The following AGBL1 variants were observed in gnomAD, a reference collection of about 807,000 sequenced individuals.
AGBL1 encodes AGBL carboxypeptidase 1.
AGBL1 carries 130 observed loss-of-function variants against 118.9 expected under a neutral mutation model. The observed-to-expected ratio is 1.09, with a 90% CI of 0.95 to 1.26. The LOEUF is 1.26. Ranked by LOEUF, AGBL1 falls within the 50% of genes most tolerant of loss-of-function variation. The probability of loss-of-function intolerance (pLI) is 0.00; values close to 1 mark genes in which losing one functional copy is unlikely to be tolerated. For missense variants in AGBL1, 1,584 were observed against 1,298.1 expected (o/e 1.22, Z -3.38); for synonymous variants, 555 against 478.9 (o/e 1.16, Z -2.08).
intron 18 of AGBL1, among the ~76,000 whole-genome samples, chr15:86,517,531 T>C (rs1393537113): frequency 1.3e-5 from 2 of 152,234 alleles, no homozygotes; most frequent in African/African-American, 2.4e-5. Context: ...TCAGTTCTTC[T>C]GGCTTATCTT....
chr15:86,508,583 A>G (rs1027663571), intron 18 of AGBL1, among the ~76,000 whole-genome samples: 1 of 152,118 alleles, frequency 6.6e-6, no homozygotes, highest in Non-Finnish European at 1.5e-5. Context: ...ATTAAATGAT[A>G]AATATAGCTT....
chr15:86,402,042 C>G (rs1483342939), intron 18 of AGBL1, among the ~76,000 whole-genome samples: 1 of 151,932 alleles, frequency 6.6e-6, no homozygotes, highest in Admixed American at 6.6e-5. Context: ...CTTTTGGCAG[C>G]ATGGTTATTT....
chr15:86,945,244 TAA>T (rs11326362), intron 23 of AGBL1, among the ~76,000 whole-genome samples: 1,265 of 70,790 alleles, frequency 0.018, 17 homozygotes, highest in African/African-American at 0.06. Context: ...ACCCCATCAC[TAA>T]AAAAAAAAAA....
chr15:86,462,369 G>A (rs758998231), intron 18 of AGBL1, among the ~76,000 whole-genome samples: 7 of 151,882 alleles, frequency 4.6e-5, no homozygotes, highest in Non-Finnish European at 7.4e-5. Context: ...TAAGTTGTTC[G>A]CTGACTCCTG....
In AGBL1 at chr15:86,988,496, T is replaced by C. The variant is rs147067336; in HGVS notation, c.3323+408T>C. On this transcript the variant is annotated intron_variant, in intron 24 of 24. Transcript: ENST00000441037. ...ATCATTTTGAGGTACACTGCAATGA[T>C]ATTACATTTTATAGATTAATTTGAG... The C allele has an allele frequency of 2.5e-4, 38 of 153,616 alleles. No homozygotes were observed. In the East Asian group the frequency reaches 6.3e-3, roughly 26 times the overall value. The allele number at this position is 153,616 out of a possible 1,614,324, so 9.5% of individuals were successfully genotyped here. A position where few individuals can be genotyped will look rare whatever the true frequency, so the allele number is the denominator to read the frequency against.
chr15:86,703,970 C>G lies in AGBL1; in HGVS notation c.3158+29534C>G, dbSNP rs564152603. ...TAGACCAATGGAATAGAACAGAGAC[C>G]TCAGAAATATCACCACACATCTACA... On this transcript the variant is annotated intron_variant, in intron 22 of 22. Transcript: ENST00000614907. Among the ~76,000 whole-genome samples the G allele has an allele frequency of 4.6e-5, 7 of 152,172 alleles. No individual in the cohort carries two copies. In the South Asian group the frequency reaches 1.5e-3, roughly 32 times the overall value.
chr15:86,174,159 C>G (rs190550811), intron 5 of AGBL1, among the ~76,000 whole-genome samples: 1 of 152,122 alleles, frequency 6.6e-6, no homozygotes, highest in Non-Finnish European at 1.5e-5. Flanking sequence ...TTCTAGAGGT[C>G]TTTCACCTAT....
chr15:86,304,535 CTT>C (rs1400159738), intron 17 of AGBL1, among the ~76,000 whole-genome samples: 2 of 152,226 alleles, frequency 1.3e-5, no homozygotes, highest in East Asian at 3.9e-4. Flanking sequence ...TATTGTATGT[CTT>C]TGAACTAACA....
At chr15:86,415,073 C>T (rs1364647450) in intron 18 of AGBL1, among the ~76,000 whole-genome samples, 1 of 152,154 alleles carries the variant, frequency 6.6e-6, no homozygotes, top group Non-Finnish European at 1.5e-5. Flanking sequence ...TTTGCTATTA[C>T]GAAGGCCTCA....
chr15:86,381,335 A>T (rs190968047), intron 17 of AGBL1, among the ~76,000 whole-genome samples: 1 of 152,214 alleles, frequency 6.6e-6, no homozygotes, highest in South Asian at 2.1e-4. Context: ...TGAAGTTGAC[A>T]TAATATTCTA....
At chr15:86,552,711 TA>T (rs2083680800) in intron 20 of AGBL1, among the ~76,000 whole-genome samples, 1 of 152,128 alleles carries the variant, frequency 6.6e-6, no homozygotes, top group Non-Finnish European at 1.5e-5. Flanking sequence ...AATTCAGTTG[TA>T]ATTGTAATGA....
At chr15:86,784,447 AT>A (rs1567172550) in intron 22 of AGBL1, among the ~76,000 whole-genome samples, 1 of 152,218 alleles carries the variant, frequency 6.6e-6, no homozygotes, top group Non-Finnish European at 1.5e-5. Context: ...TTTACTGTGA[AT>A]AAAAATCCCT....
At chr15:86,900,318 C>A (rs1289670884) in intron 22 of AGBL1, among the ~76,000 whole-genome samples, 1 of 152,118 alleles carries the variant, frequency 6.6e-6, no homozygotes, top group African/African-American at 2.4e-5. Context: ...CTTTAGAGAA[C>A]CCTGACTAAT....
chr15:87,027,308 A>G (rs1490723003), intron 24 of AGBL1, among the ~76,000 whole-genome samples: 4 of 152,034 alleles, frequency 2.6e-5, no homozygotes, highest in Non-Finnish European at 5.9e-5. Context: ...GCAGAGAAAA[A>G]GAAGTGCTTT....
At chr15:86,435,871 A>C (rs918833159) in intron 18 of AGBL1, among the ~76,000 whole-genome samples, 1 of 152,218 alleles carries the variant, frequency 6.6e-6, no homozygotes. Context: ...ATCTTCAGCT[A>C]TTGTAATTCT....
chr15:86,116,591 T>C, intron 1 of AGBL1: 1 of 152,482 alleles, frequency 6.6e-6, no homozygotes, highest in Non-Finnish European at 1.5e-5. Context: ...TCTCTCTTCT[T>C]GAGCTGGGAC....
intron 6 of AGBL1, among the ~76,000 whole-genome samples, chr15:86,243,609 A>T (rs987012886): frequency 6.6e-6 from 1 of 152,180 alleles, no homozygotes; most frequent in African/African-American, 2.4e-5. Flanking sequence ...GCCAGGAAGC[A>T]GGGTCAATGC....
At chr15:86,225,284 C>T (rs2078344632) in intron 6 of AGBL1, among the ~76,000 whole-genome samples, 2 of 152,062 alleles carry the variant, frequency 1.3e-5, no homozygotes, top group Non-Finnish European at 2.9e-5. Context: ...ACAGAGCCAG[C>T]AGTCCCTAAA....
At chr15:86,983,675 A>G (rs1298898895) in intron 23 of AGBL1, among the ~76,000 whole-genome samples, 3 of 152,226 alleles carry the variant, frequency 2.0e-5, no homozygotes, top group African/African-American at 4.8e-5. Context: ...AAAGGTTCCC[A>G]TGCGTTCCTT....
Sources: allele counts gnomAD v4.1 joint callset (sites outside exome capture counted in the v4.1 genomes callset), GRCh38; gene constraint gnomAD v4.1.1; transcripts MANE v1.5; gene names NCBI Gene and HGNC (gene_info 2026-07-23, HGNC 2026-07-21).